The following RBMS1 variants were observed in gnomAD, a reference collection of about 807,000 sequenced individuals.
The protein encoded by RBMS1 is RNA-binding motif, single-stranded-interacting protein 1.
In RBMS1, 17 loss-of-function variants were observed where a neutral mutation model predicts 62.3. The observed-to-expected ratio is 0.27, with a 90% CI of 0.19 to 0.41. RBMS1 has a LOEUF of 0.41. RBMS1 is among the 10% of genes least tolerant of loss of function. The probability of loss-of-function intolerance (pLI) is 1.00; values close to 1 mark genes in which losing one functional copy is unlikely to be tolerated. For synonymous variants in RBMS1, 172 were observed against 170.0 expected (o/e 1.01, Z -0.09); for missense variants, 334 against 504.5 (o/e 0.66, Z 3.24).
chr2:160,416,569 A>G (rs1487772038), intron 1 of RBMS1, among the ~76,000 whole-genome samples: 1 of 152,162 alleles, frequency 6.6e-6, no homozygotes, highest in Non-Finnish European at 1.5e-5. Context: ...AGGAGGCAGG[A>G]CAGGTATTCT....
chr2:160,395,167 T>C (rs896066996), intron 1 of RBMS1, among the ~76,000 whole-genome samples: 1 of 152,252 alleles, frequency 6.6e-6, no homozygotes, highest in Non-Finnish European at 1.5e-5. Flanking sequence ...ATTTACACTT[T>C]TACTCTCCTG....
intron 2 of RBMS1, among the ~76,000 whole-genome samples, chr2:160,333,013 A>G (rs1048520626): frequency 6.6e-6 from 1 of 152,036 alleles, no homozygotes; most frequent in African/African-American, 2.4e-5. Flanking sequence ...AAACTATTTT[A>G]TACTTTAAAG....
chr2:160,376,804 C>CAAATAAATAAAT (rs144445931), intron 1 of RBMS1, among the ~76,000 whole-genome samples: 3 of 150,830 alleles, frequency 2.0e-5, no homozygotes, highest in African/African-American at 7.3e-5. Context: ...TCTGGCTAAT[C>CAAATAAATAAAT]AAATAAATAA....
intron 2 of RBMS1, among the ~76,000 whole-genome samples, chr2:160,339,242 A>T (rs910478809): frequency 5.9e-5 from 9 of 152,220 alleles, no homozygotes; most frequent in African/African-American, 2.2e-4. Flanking sequence ...CCTGTAACAC[A>T]ACTCCTTCCA....
intron 1 of RBMS1, among the ~76,000 whole-genome samples, chr2:160,478,110 C>T (rs1559601520): frequency 6.6e-6 from 1 of 152,246 alleles, no homozygotes; most frequent in Non-Finnish European, 1.5e-5. Context: ...TTAAAACACA[C>T]TTCCTCACTG....
chr2:160,386,893 C>T (rs763109196), intron 1 of RBMS1, among the ~76,000 whole-genome samples: 4 of 152,222 alleles, frequency 2.6e-5, no homozygotes, highest in Non-Finnish European at 4.4e-5. Context: ...GTATTTTTCA[C>T]AGAAATGCAG....
At position 160,295,040 on chromosome 2, in the gene RBMS1, AAG is replaced by A. The variant is rs973850766; in HGVS notation, c.640+5609_640+5610del. On this transcript the variant is annotated intron_variant, in intron 6 of 13. Coordinates refer to ENST00000348849, the MANE Select transcript of RBMS1 (RefSeq NM_016836.4). ...TACAAGAAAAAAAAAAAAAAGAAAA[AAG>A]AAGTCTAGAGAAGTTGAAAACTCTT... 5.3e-4 allele frequency among the ~76,000 whole-genome samples: 80 copies of A among 152,158 alleles called. 1 individual carries two copies. The highest frequency in any genetic ancestry group is 1.6e-3 in the African/African-American group (66 of 41,522).
chr2:160,383,904 A>G (rs2105194763), intron 1 of RBMS1, among the ~76,000 whole-genome samples: 1 of 152,340 alleles, frequency 6.6e-6, no homozygotes, highest in South Asian at 2.1e-4. Context: ...GAGTAAATAA[A>G]TAAAAACTTA....
chr2:160,436,485 C>T (rs1683115957), intron 1 of RBMS1, among the ~76,000 whole-genome samples: 1 of 152,218 alleles, frequency 6.6e-6, no homozygotes, highest in South Asian at 2.1e-4. Flanking sequence ...CAGCCAACTG[C>T]CCCTCCAAAT....
chr2:160,406,931 A>G (rs983840166), intron 1 of RBMS1, among the ~76,000 whole-genome samples: 1 of 152,138 alleles, frequency 6.6e-6, no homozygotes, highest in Non-Finnish European at 1.5e-5. Flanking sequence ...TGCTACTGAA[A>G]ACCTTGAGAA....
intron 1 of RBMS1, among the ~76,000 whole-genome samples, chr2:160,414,205 A>C (rs927017675): frequency 7.2e-5 from 11 of 152,236 alleles, no homozygotes; most frequent in African/African-American, 2.7e-4. Context: ...TATATCGTGA[A>C]TAGTACAGGT....
In RBMS1 at chr2:160,274,775, AAAAT is replaced by A. The variant is rs1242364627; in HGVS notation, c.*8-15_*8-12del. On this transcript the variant is annotated splice_polypyrimidine_tract_variant and intron_variant, in intron 13 of 13. Coordinates refer to ENST00000348849, the MANE Select transcript of RBMS1 (RefSeq NM_016836.4). ...CACCTTTCTGTACATCTGGAAGAGA[AAAAT>A]AAAAGACAAATGCTTTTGTAGATTT... 6.6e-6 allele frequency: 1 copy of A among 152,634 alleles called. No individual in the cohort carries two copies. The highest frequency in any genetic ancestry group is 1.5e-5 in the Non-Finnish European group (1 of 68,032). 9.5% of individuals were successfully genotyped at this position (152,634 alleles called of 1,614,324 possible). A position where few individuals can be genotyped will look rare whatever the true frequency, so the allele number is the denominator to read the frequency against.
intron 1 of RBMS1, 116 bp downstream of exon 1, chr2:160,493,173 G>C: frequency 9.7e-7 from 1 of 1,030,412 alleles, no homozygotes; most frequent in Non-Finnish European, 1.4e-6. Context: ...CAACCTTCCA[G>C]CAACTCCGCC....
chr2:160,332,694 A>G (rs1450369606), intron 2 of RBMS1, among the ~76,000 whole-genome samples: 1 of 152,138 alleles, frequency 6.6e-6, no homozygotes, highest in Non-Finnish European at 1.5e-5. Context: ...AGGATTTTAC[A>G]GGTCTGTCAA....
intron 13 of RBMS1, among the ~76,000 whole-genome samples, chr2:160,275,007 G>C (rs1687755803): frequency 6.6e-6 from 1 of 152,140 alleles, no homozygotes; most frequent in Non-Finnish European, 1.5e-5. Flanking sequence ...TCTCTAAAGA[G>C]TGACTTTATG....
At chr2:160,284,520 T>C (rs1688263939) in intron 9 of RBMS1, 2 of 457,080 alleles carry the variant, frequency 4.4e-6, no homozygotes, top group Admixed American at 3.7e-5. Context: ...GAAGGAAGTG[T>C]TTGGGTTCAT....
intron 1 of RBMS1, among the ~76,000 whole-genome samples, chr2:160,436,378 A>G (rs1683111215): frequency 6.6e-6 from 1 of 152,222 alleles, no homozygotes; most frequent in African/African-American, 2.4e-5. Flanking sequence ...AGCAAGGGGC[A>G]CCAGCTATTA....
chr2:160,350,329 T>C (rs923946480), intron 2 of RBMS1, among the ~76,000 whole-genome samples: 3 of 152,116 alleles, frequency 2.0e-5, no homozygotes, highest in African/African-American at 7.2e-5. Flanking sequence ...AATGTGGTAT[T>C]AAAATTCTTC....
chr2:160,311,253 T>G (rs1382898733), intron 4 of RBMS1, among the ~76,000 whole-genome samples: 1 of 142,840 alleles, frequency 7.0e-6, no homozygotes, highest in Non-Finnish European at 1.5e-5. Flanking sequence ...TATATATATA[T>G]ATATAGTCTG....
Sources: gnomAD v4.1 joint callset for allele counts (sites outside exome capture counted in the v4.1 genomes callset) on GRCh38, gnomAD v4.1.1 for gene constraint, MANE v1.5 for transcripts, NCBI Gene and HGNC (gene_info 2026-07-23, HGNC 2026-07-21) for gene names.